Variants in DNAH2 observed in about 807,000 individuals in gnomAD.
DNAH2 encodes the protein dynein axonemal heavy chain 2.
In DNAH2, 323 loss-of-function variants were observed where a neutral mutation model predicts 523.5. The ratio of observed to expected loss-of-function variants is 0.62; its 90% CI spans 0.56 to 0.68. DNAH2 has a LOEUF of 0.68. Ranked by LOEUF, DNAH2 falls within the 30% of genes least tolerant of loss-of-function variation. DNAH2 has a pLI of 0.00. For missense variants in DNAH2, 4,907 were observed against 5,701.5 expected (o/e 0.86, Z 4.49); for synonymous variants, 2,093 against 2,177.4 (o/e 0.96, Z 1.08).
chr17:7,792,154 CCT>C (rs761372604), intron 45 of DNAH2, 85 bp downstream of exon 45: 2 of 1,600,624 alleles, frequency 1.2e-6, no homozygotes, highest in Non-Finnish European at 1.7e-6. Flanking sequence ...CTTGGGTTTC[CCT>C]CTCTCTTTCT....
intron 7 of DNAH2, 123 bp from the exon 8 acceptor site, chr17:7,736,944 T>C (rs1358097073): frequency 1.1e-6 from 1 of 882,118 alleles, no homozygotes; most frequent in Non-Finnish European, 1.7e-6. Flanking sequence ...ATCGCGCCAT[T>C]GCACTCCAGC....
chr17:7,833,421 G>A lies in DNAH2; in HGVS notation c.13172G>A (p.Gly4391Asp), dbSNP rs1248719617. 1 of 1,614,200 alleles carries A rather than the reference G, an allele frequency of 6.2e-7. No homozygotes were observed. The highest frequency in any genetic ancestry group is 1.7e-5 in the Admixed American group (1 of 60,028). Residue 4391 changes from glycine to aspartate, a missense_variant, in exon 86 of 86, where the codon GGC becomes GAC. This residue lies in a region of DNAH2 where 1,851 missense variants were observed against 2,139.4 expected (regional missense o/e 0.87). Transcript: ENST00000572933. ...CPCYYYPNRAGSSDRASFVIG... is the reference protein window; with the variant it reads ...CPCYYYPNRADSSDRASFVIG... The stretch of plus-strand genomic sequence containing the variant: ...TGCTATTACTATCCCAACCGGGCAG[G>A]CAGCTCAGACCGAGCCTCCTTTGTC...
intron 39 of DNAH2, among the ~76,000 whole-genome samples, chr17:7,785,295 G>A (rs1468832724): frequency 6.6e-6 from 1 of 152,096 alleles, no homozygotes; most frequent in Non-Finnish European, 1.5e-5. Flanking sequence ...TAGAGACGGG[G>A]TTTCGCCATG....
intron 12 of DNAH2, among the ~76,000 whole-genome samples, chr17:7,753,927 G>A (rs1466734745): frequency 3.9e-5 from 6 of 152,136 alleles, no homozygotes; most frequent in South Asian, 4.2e-4. Flanking sequence ...CAGCCTGGGC[G>A]ACGGAGCAAG....
At chr17:7,723,572 G>A in intron 2 of DNAH2, 56 bp from the exon 3 acceptor site, 1 of 1,516,064 alleles carries the variant, frequency 6.6e-7, no homozygotes, top group Non-Finnish European at 9.2e-7. Flanking sequence ...GCGCCCAGCT[G>A]ACTGTGTTTA....
At chr17:7,765,353 C>G in intron 20 of DNAH2, 38 bp from the exon 21 acceptor site, 1 of 1,586,584 alleles carries the variant, frequency 6.3e-7, no homozygotes, top group East Asian at 2.2e-5. Context: ...GGGCAGACCT[C>G]CTGCTCCTGG....
chr17:7,808,245 C>T (rs183692330), intron 63 of DNAH2, among the ~76,000 whole-genome samples: 199 of 152,106 alleles, frequency 1.3e-3, no homozygotes, highest in Non-Finnish European at 2.3e-3. Context: ...GTGGCAGGCA[C>T]CTGTAATCCC....
intron 22 of DNAH2, among the ~76,000 whole-genome samples, chr17:7,767,609 CTTTTTTT>C (rs373073103): frequency 1.5e-5 from 2 of 137,106 alleles, no homozygotes; most frequent in African/African-American, 5.3e-5. Flanking sequence ...ACTTATTTAC[CTTTTTTT>C]TTTTTTTTTT....
intron 63 of DNAH2, among the ~76,000 whole-genome samples, chr17:7,815,714 TCA>T (rs886355291): frequency 1.3e-5 from 2 of 150,576 alleles, no homozygotes; most frequent in South Asian, 2.1e-4. Flanking sequence ...GTATACGGGA[TCA>T]CACACACGTA....
chr17:7,798,533 TG>T lies in DNAH2; in HGVS notation c.8399-24del. On this transcript the variant is annotated intron_variant, in intron 54 of 85. Coordinates refer to ENST00000572933, the MANE Select transcript of DNAH2 (RefSeq NM_020877.5). This position sits in a 1 kb window ranked among gnomAD's most constrained non-coding sequence, Gnocchi z 5.5. ...CAGGATGGGGAATCTGCAGTGAGTTTGTCCTCCTTCCCTCCCCCGGCCAGAT... is the reference window on the plus strand; with the variant it reads ...CAGGATGGGGAATCTGCAGTGAGTTTTCCTCCTTCCCTCCCCCGGCCAGAT... The T allele has an allele frequency of 6.2e-7, 1 of 1,612,782 alleles. No individual in the cohort carries two copies. Among genetic ancestry groups the T allele is most frequent in the Non-Finnish European group, 8.5e-7 (1 of 1,179,552 alleles).
Position 7,757,145 on chromosome 17 carries a change from G to GACGCCCCA in DNAH2, c.1960_1967dup (p.His656GlnfsTer7). The stretch of plus-strand genomic sequence containing the variant: ...ACTACTGGGAGCGGCTGCTGTTTGA[G>GACGCCCCA]ACGCCCCATTACGTGGTGAACGTAG... On this transcript the variant is annotated frameshift_variant, in exon 13 of 86. Coordinates refer to ENST00000572933, the MANE Select transcript of DNAH2 (RefSeq NM_020877.5). LOFTEE classifies it high-confidence loss of function. 4 of 1,614,204 alleles carry GACGCCCCA rather than the reference G, an allele frequency of 2.5e-6. No homozygotes were observed. The highest frequency in any genetic ancestry group is 3.4e-6 in the Non-Finnish European group (4 of 1,180,038).
rs2076586117 is a variant in DNAH2 at position 7,780,872 on chromosome 17, C to T, written c.6003+90C>T. Reference sequence around the variant, plus strand: ...AAGTCTTTCAGACCCTTTCTTTCCTCAGATTGGGATTCTCACCTTCCCACC... The same window carrying T: ...AAGTCTTTCAGACCCTTTCTTTCCTTAGATTGGGATTCTCACCTTCCCACC... On this transcript the variant is annotated intron_variant, in intron 38 of 85. Transcript: ENST00000572933. The surrounding 1 kb of genome is among the most constrained non-coding windows in gnomAD (Gnocchi z 4.4). 8.8e-6 allele frequency: 14 copies of T among 1,593,948 alleles called. No individual in the cohort carries two copies. The highest frequency in any genetic ancestry group is 1.2e-5 in the Non-Finnish European group (14 of 1,168,546).
chr17:7,740,455 C>T lies in DNAH2; in HGVS notation c.1412C>T (p.Thr471Ile). Residue 471 changes from threonine (T) to isoleucine (I), a missense_variant, in exon 10 of 86, where the codon ACC becomes ATC. Thr to Ile is a moderately conservative substitution (Grantham distance 89). Coordinates refer to ENST00000572933, the MANE Select transcript of DNAH2 (RefSeq NM_020877.5). The part of the protein sequence containing the change: ...RAGIKDLEVM[T>I]QNLITSAFEL... ...GGAATCAAGGACCTGGAGGTGATGACCCAGAACCTGATCACCTCAGCCTTC... is the reference window on the plus strand; with the variant it reads ...GGAATCAAGGACCTGGAGGTGATGATCCAGAACCTGATCACCTCAGCCTTC... The T allele has an allele frequency of 6.2e-7, 1 of 1,614,182 alleles. No individual in the cohort carries two copies.
chr17:7,724,798 A>C (rs936892025), intron 3 of DNAH2, among the ~76,000 whole-genome samples: 1 of 138,418 alleles, frequency 7.2e-6, no homozygotes, highest in Non-Finnish European at 1.5e-5. Flanking sequence ...GCTGGAGTGC[A>C]GTGGCATGAT....
Position 7,789,579 on chromosome 17 carries a change from C to CTTTT in DNAH2, c.6900+1347_6900+1350dup, listed in dbSNP as rs58735826. ...CCCACCTATAGGATTGAGGAATACT[C>CTTTT]TTTTTTTTTTTTTTTGAGATGGAGT... On this transcript the variant is annotated intron_variant, in intron 44 of 85. Coordinates refer to ENST00000572933, the MANE Select transcript of DNAH2 (RefSeq NM_020877.5). 1.4e-5 allele frequency among the ~76,000 whole-genome samples: 2 copies of CTTTT among 140,714 alleles called. 1 individual carries two copies. Among genetic ancestry groups the CTTTT allele is most frequent in the Non-Finnish European group, 3.1e-5 (2 of 64,950 alleles). 92.3% of individuals were successfully genotyped at this position (140,714 alleles called of 152,430 possible).
rs7224413 is a variant in DNAH2 at position 7,807,060 on chromosome 17, G to C, written c.9443-90G>C. The C allele has an allele frequency of 3.3e-5, 48 of 1,466,754 alleles. No homozygotes were observed. In the African/African-American group the frequency reaches 5.9e-4, roughly 18 times the overall value. 90.9% of individuals were successfully genotyped at this position (1,466,754 alleles called of 1,614,324 possible). A position where few individuals can be genotyped will look rare whatever the true frequency, so the allele number is the denominator to read the frequency against. ...CTTAGGAACTGAGCCCAGGAAAAAT[G>C]TGGCTATGCGTGAGTAGTGGAGGTG... On this transcript the variant is annotated intron_variant, in intron 61 of 85. Transcript: ENST00000572933. This position sits in a 1 kb window ranked among gnomAD's most constrained non-coding sequence, Gnocchi z 5.6.
At chr17:7,763,716 CTA>C (rs1332079166) in intron 18 of DNAH2, 113 bp from the exon 19 acceptor site, 44 of 1,268,498 alleles carry the variant, frequency 3.5e-5, no homozygotes, top group Non-Finnish European at 4.4e-5. Context: ...GAAGAACACT[CTA>C]GAACTGCTGC....
At chr17:7,743,493 C>A in intron 12 of DNAH2, 1 of 635,788 alleles carries the variant, frequency 1.6e-6, no homozygotes, top group South Asian at 1.8e-5. Flanking sequence ...TGGCAAAACC[C>A]AGTCTCTGCA....
At position 7,768,251 on chromosome 17, in the gene DNAH2, C is replaced by T; in HGVS notation, c.3925C>T (p.Pro1309Ser). 1 of 1,614,174 alleles carries T rather than the reference C, an allele frequency of 6.2e-7. No homozygotes were observed. Among genetic ancestry groups the T allele is most frequent in the Non-Finnish European group, 8.5e-7 (1 of 1,180,048 alleles). ...GCCTCTCATCTCAGACCTGCGGAAC[C>T]CTGCCCTTAGAGAGAGGTGAGGCTT... is the stretch of plus-strand genomic sequence containing the variant. ...TMPLISDLRN[P>S]ALRERHWDQV... The change falls in exon 24 of 86, where the codon CCT (proline) becomes TCT (serine). Residue 1309 changes from proline (P) to serine (S), a missense_variant. Coordinates refer to ENST00000572933, the MANE Select transcript of DNAH2 (RefSeq NM_020877.5).
Sources: gnomAD v4.1 joint callset for allele counts (sites outside exome capture counted in the v4.1 genomes callset) on GRCh38, gnomAD v4.1.1 for gene constraint, gnomAD v4.1.1 regional missense constraint, Gnocchi (gnomAD v3.1) non-coding constraint, MANE v1.5 for transcripts, NCBI Gene and HGNC (gene_info 2026-07-23, HGNC 2026-07-21) for gene names.